TMEM248: variants seen among roughly 807,000 people sequenced by gnomAD.
The protein encoded by TMEM248 is UPF0458 protein C7orf42.
TMEM248 carries 9 observed loss-of-function variants against 30.3 expected under a neutral mutation model. That is an observed-to-expected ratio of 0.30 (90% confidence interval 0.18 to 0.52). TMEM248 has a LOEUF of 0.52. Ranked by LOEUF, TMEM248 falls within the 20% of genes least tolerant of loss-of-function variation. TMEM248 has a pLI of 0.97. For synonymous variants in TMEM248, 184 were observed against 154.4 expected (o/e 1.19, Z -1.42); for missense variants, 338 against 403.3 (o/e 0.84, Z 1.39).
chr7:66,951,165 T>C (rs760786910), intron 5 of TMEM248, 30 bp downstream of exon 5: 16 of 1,531,908 alleles, frequency 1.0e-5, no homozygotes, highest in East Asian at 2.3e-5. Flanking sequence ...TGTGTGTGTG[T>C]GCGTGCATGC....
In TMEM248 at chr7:66,951,005, A is replaced by G. The variant is rs774280812; in HGVS notation, c.650A>G (p.Lys217Arg). 1 of 1,612,086 alleles carries G rather than the reference A, an allele frequency of 6.2e-7. No individual in the cohort carries two copies. Among genetic ancestry groups the G allele is most frequent in the South Asian group, 1.1e-5 (1 of 90,698 alleles). Residue 217 changes from lysine (K) to arginine (R), a missense_variant, in exon 5 of 7, where the codon AAG becomes AGG. Physicochemically the swap from Lys to Arg is conservative, Grantham distance 26. Transcript: ENST00000341567. ...TACAGCAACGCCACGCTCTGGTACA[A>G]GATCTTCACAACTGCCAGAGATGCC... ...DTYSNATLWY[K>R]IFTTARDANT...
At position 66,941,857 on chromosome 7, in the gene TMEM248, A is replaced by C. The variant is rs1357438417; in HGVS notation, c.-9A>C. 1.2e-6 allele frequency: 2 copies of C among 1,610,432 alleles called. No individual in the cohort carries two copies. Among genetic ancestry groups the C allele is most frequent in the African/African-American group, 1.3e-5 (1 of 74,836 alleles). ...GATTCATTTCTTTCAGGTGGAGCTG[A>C]TCAGAATAATGTTCAGCATCAACCC... On this transcript the variant is annotated 5_prime_UTR_variant, in exon 2 of 7. Coordinates refer to ENST00000341567, the MANE Select transcript of TMEM248 (RefSeq NM_017994.5).
chr7:66,923,572 A>G (rs888889071), intron 1 of TMEM248, among the ~76,000 whole-genome samples: 2 of 152,212 alleles, frequency 1.3e-5, no homozygotes, highest in African/African-American at 2.4e-5. Context: ...TAGCTGGACA[A>G]TCAGTGCCTA....
At chr7:66,949,425 G>A (rs1407149888) in intron 4 of TMEM248, among the ~76,000 whole-genome samples, 1 of 152,050 alleles carries the variant, frequency 6.6e-6, no homozygotes, top group African/African-American at 2.4e-5. Context: ...CTGAGATCGC[G>A]CCACTGCACT....
chr7:66,942,141 C>T (rs1242410646), intron 2 of TMEM248, 117 bp downstream of exon 2: 7 of 1,136,560 alleles, frequency 6.2e-6, no homozygotes, highest in African/African-American at 1.6e-5. Flanking sequence ...TGAGAAAAAT[C>T]AGTATTTATT....
chr7:66,923,327 G>A (rs1478302519), intron 1 of TMEM248, among the ~76,000 whole-genome samples: 2 of 151,754 alleles, frequency 1.3e-5, no homozygotes, highest in East Asian at 3.9e-4. Context: ...TGTATTTTTG[G>A]TAGAGACGAG....
rs997729711 is a variant in TMEM248, at chr7:66,948,895, C to G, written c.596+201C>G. Among the ~76,000 whole-genome samples, 3 of 152,312 alleles carry G rather than the reference C, an allele frequency of 2.0e-5. No individual in the cohort carries two copies. The East Asian group carries it at 5.8e-4, about 29-fold the overall frequency. On this transcript the variant is annotated intron_variant, in intron 4 of 6. Transcript: ENST00000341567. ...TGGAATTCTAAAGATAGAACTTCTG[C>G]ATATAAAATCAGAAAGTTAGTGCCC...
At chr7:66,940,326 C>T (rs1489261918) in intron 1 of TMEM248, among the ~76,000 whole-genome samples, 2 of 152,162 alleles carry the variant, frequency 1.3e-5, no homozygotes, top group Non-Finnish European at 2.9e-5. Context: ...CAAAATTCTT[C>T]AGCTACATCA....
At chr7:66,955,244 C>G (rs1380584622) in intron 6 of TMEM248, among the ~76,000 whole-genome samples, 1 of 152,232 alleles carries the variant, frequency 6.6e-6, no homozygotes, top group Non-Finnish European at 1.5e-5. Context: ...GCCTGGACAA[C>G]AGAGCGAGAC....
rs189076353 is a variant in TMEM248, at chr7:66,926,712, A to C, written c.-19+5251A>C. Among the ~76,000 whole-genome samples the C allele has an allele frequency of 2.0e-3, 309 of 152,166 alleles. 1 individual carries two copies. Among genetic ancestry groups the C allele is most frequent in the Non-Finnish European group, 3.0e-3 (205 of 68,006 alleles). On this transcript the variant is annotated intron_variant, in intron 1 of 6. Coordinates refer to ENST00000341567, the MANE Select transcript of TMEM248 (RefSeq NM_017994.5). ...CCTTTCTTTAAAATGAAAAAACAGA[A>C]AGGAGGAAAGATAGAGGTTTTAGCA...
At chr7:66,946,859 T>C (rs1792121646) in intron 3 of TMEM248, among the ~76,000 whole-genome samples, 1 of 152,152 alleles carries the variant, frequency 6.6e-6, no homozygotes. Flanking sequence ...AAAGGCTTCA[T>C]ATGGGACACC....
At chr7:66,944,400 T>C (rs570819760) in intron 2 of TMEM248, among the ~76,000 whole-genome samples, 1 of 152,166 alleles carries the variant, frequency 6.6e-6, no homozygotes, top group Non-Finnish European at 1.5e-5. Context: ...CCACCGTACC[T>C]GGCCCCTTCC....
At chr7:66,946,909 A>G (rs994290870) in intron 3 of TMEM248, among the ~76,000 whole-genome samples, 1 of 152,162 alleles carries the variant, frequency 6.6e-6, no homozygotes, top group African/African-American at 2.4e-5. Context: ...TTGGTTACCA[A>G]AAGGCTTTTT....
intron 1 of TMEM248, among the ~76,000 whole-genome samples, chr7:66,941,561 AACACACACACACACACACACAC>A (rs72442084): frequency 7.0e-6 from 1 of 142,698 alleles, no homozygotes; most frequent in South Asian, 2.3e-4. Flanking sequence ...TGTTTCTTAA[AACACACACACACACACACACAC>A]ACACACACAC....
chr7:66,947,737 T>A (rs1484104416), intron 3 of TMEM248, among the ~76,000 whole-genome samples: 1 of 151,686 alleles, frequency 6.6e-6, no homozygotes, highest in Non-Finnish European at 1.5e-5. Context: ...ATATTTTAAT[T>A]TTTTATTTTA....
chr7:66,947,693 C>T (rs560224578), intron 3 of TMEM248, among the ~76,000 whole-genome samples: 3 of 152,070 alleles, frequency 2.0e-5, no homozygotes, highest in Admixed American at 6.6e-5. Flanking sequence ...TGAGCCACCA[C>T]GCTTGGCTAT....
rs1226378644 is a variant in TMEM248 at position 66,955,493 on chromosome 7, G to A, written c.925-9G>A. 5 of 1,614,098 alleles carry A rather than the reference G, an allele frequency of 3.1e-6. No individual in the cohort carries two copies. The South Asian group carries it at 4.4e-5, about 14-fold the overall frequency. Reference sequence around the variant, plus strand: ...TTTTGACTGGTTTCCCTGGCTTGCTGTCTTCCAGGTGGCTTTGGCTGAAGC... The same window carrying A: ...TTTTGACTGGTTTCCCTGGCTTGCTATCTTCCAGGTGGCTTTGGCTGAAGC... On this transcript the variant is annotated splice_polypyrimidine_tract_variant and intron_variant, in intron 6 of 6. Transcript: ENST00000341567.
chr7:66,954,594 G>A (rs953526712), intron 6 of TMEM248, among the ~76,000 whole-genome samples: 1 of 151,772 alleles, frequency 6.6e-6, no homozygotes, highest in African/African-American at 2.4e-5. Flanking sequence ...ACAGGGTTTC[G>A]CCACATTGCC....
At chr7:66,952,596 TAC>T (rs770388701) in intron 5 of TMEM248, among the ~76,000 whole-genome samples, 4 of 152,176 alleles carry the variant, frequency 2.6e-5, no homozygotes, top group African/African-American at 7.2e-5. Context: ...GGCCTGGAGA[TAC>T]TAGAGGGTAA....
Sources: gnomAD v4.1 joint callset for allele counts (sites outside exome capture counted in the v4.1 genomes callset) on GRCh38, gnomAD v4.1.1 for gene constraint, MANE v1.5 for transcripts, NCBI Gene and HGNC (gene_info 2026-07-23, HGNC 2026-07-21) for gene names.